Variants in ANAPC10 observed in about 807,000 individuals in gnomAD.
ANAPC10 encodes anaphase promoting complex subunit 10.
In ANAPC10, 12 loss-of-function variants were observed where a neutral mutation model predicts 22.0. That is an observed-to-expected ratio of 0.55 (90% CI 0.35 to 0.88). The LOEUF is 0.88. Among genes scored for constraint, ANAPC10 ranks in the 40% least tolerant of loss-of-function variants. The pLI, the probability that ANAPC10 is intolerant of heterozygous loss-of-function variation, is 0.01. For missense variants in ANAPC10, 188 were observed against 220.9 expected (o/e 0.85, Z 0.94); for synonymous variants, 65 against 69.5 (o/e 0.94, Z 0.32).
intron 2 of ANAPC10, among the ~76,000 whole-genome samples, chr4:145,094,901 A>G (rs925523011): frequency 2.6e-5 from 4 of 152,206 alleles, no homozygotes; most frequent in African/African-American, 7.2e-5. Context: ...AAGGACTGCC[A>G]CCCAAGAATT....
chr4:145,064,944 A>C (rs1473120716), intron 3 of ANAPC10, among the ~76,000 whole-genome samples: 1 of 151,972 alleles, frequency 6.6e-6, no homozygotes, highest in Admixed American at 6.6e-5. Flanking sequence ...AGATGCAAGC[A>C]AAGAAGGATC....
At chr4:145,082,185 C>T (rs768823387) in intron 2 of ANAPC10, among the ~76,000 whole-genome samples, 5 of 152,210 alleles carry the variant, frequency 3.3e-5, no homozygotes, top group East Asian at 1.9e-4. Flanking sequence ...GTTTCACTCT[C>T]GTGGCCCAAG....
At chr4:145,084,089 G>A (rs1746502387) in intron 2 of ANAPC10, among the ~76,000 whole-genome samples, 1 of 151,954 alleles carries the variant, frequency 6.6e-6, no homozygotes, top group African/African-American at 2.4e-5. Flanking sequence ...TCCCACCTCA[G>A]TCATCTAGGT....
chr4:145,086,412 T>G (rs757136845), intron 2 of ANAPC10, among the ~76,000 whole-genome samples: 2 of 152,264 alleles, frequency 1.3e-5, no homozygotes, highest in Non-Finnish European at 2.9e-5. Context: ...GCAGTTATTA[T>G]ATGATGTACT....
At chr4:145,050,380 G>C (rs1288639638) in intron 4 of ANAPC10, among the ~76,000 whole-genome samples, 2 of 152,188 alleles carry the variant, frequency 1.3e-5, no homozygotes, top group African/African-American at 4.8e-5. Context: ...TCCATTTATA[G>C]CACATGGGCA....
intron 4 of ANAPC10, among the ~76,000 whole-genome samples, chr4:145,012,438 A>G (rs1173221934): frequency 1.3e-5 from 2 of 152,018 alleles, no homozygotes; most frequent in African/African-American, 4.8e-5. Context: ...AAAAGAAAAA[A>G]TAAAGAATTT....
chr4:145,041,235 C>T (rs1232486126), intron 4 of ANAPC10, among the ~76,000 whole-genome samples: 1 of 152,116 alleles, frequency 6.6e-6, no homozygotes, highest in Non-Finnish European at 1.5e-5. Flanking sequence ...TGAAATTTTA[C>T]AAAATGAATA....
At chr4:145,088,152 A>T (rs1747164382) in intron 2 of ANAPC10, among the ~76,000 whole-genome samples, 1 of 152,180 alleles carries the variant, frequency 6.6e-6, no homozygotes, top group Non-Finnish European at 1.5e-5. Context: ...TTTTCCTCCT[A>T]GTTCACTAGC....
chr4:145,049,323 G>A (rs1252058982), intron 4 of ANAPC10, among the ~76,000 whole-genome samples: 2 of 152,124 alleles, frequency 1.3e-5, no homozygotes, highest in Admixed American at 6.6e-5. Flanking sequence ...TTCCTTTCAT[G>A]AAAAATATTC....
intron 4 of ANAPC10, among the ~76,000 whole-genome samples, chr4:145,031,543 C>A (rs1301874038): frequency 6.6e-6 from 1 of 152,208 alleles, no homozygotes; most frequent in Non-Finnish European, 1.5e-5. Context: ...GTTACTCCAG[C>A]CCACTTATCG....
At chr4:145,069,949 T>C (rs1744252780) in intron 3 of ANAPC10, among the ~76,000 whole-genome samples, 1 of 152,202 alleles carries the variant, frequency 6.6e-6, no homozygotes. Flanking sequence ...TTCATAAAAT[T>C]GTTATTTATG....
intron 2 of ANAPC10, among the ~76,000 whole-genome samples, chr4:145,084,695 G>A (rs560735816): frequency 1.2e-4 from 18 of 152,152 alleles, no homozygotes; most frequent in African/African-American, 4.1e-4. Context: ...TACTTCTTCC[G>A]TAACTCTTAA....
intron 4 of ANAPC10, among the ~76,000 whole-genome samples, chr4:145,051,323 T>C (rs1461509754): frequency 6.6e-6 from 1 of 152,146 alleles, no homozygotes; most frequent in African/African-American, 2.4e-5. Flanking sequence ...ATGAGCATGG[T>C]TCATGGCGTC....
chr4:145,012,286 A>T (rs962775000), intron 4 of ANAPC10, among the ~76,000 whole-genome samples: 2 of 151,278 alleles, frequency 1.3e-5, no homozygotes, highest in Non-Finnish European at 2.9e-5. Context: ...TATACTTAAC[A>T]TATTGAAAAT....
In ANAPC10 at chr4:145,064,667, A is replaced by G; in HGVS notation, c.232T>C (p.Cys78Arg). The G allele has an allele frequency of 6.4e-7, 1 of 1,568,732 alleles. No homozygotes were observed. The highest frequency in any genetic ancestry group is 8.7e-7 in the Non-Finnish European group (1 of 1,154,816). Residue 78 changes from cysteine (C) to arginine (R), a missense_variant, in exon 4 of 5, where the codon TGT becomes CGT. Cys to Arg is a radical substitution (Grantham distance 180). Transcript: ENST00000507656. ...FRRKTTVKTL[C>R]IYADYKSDES... ...TCAGATTTGTAGTCTGCATAAATAC[A>G]TAATGTCTTCACTGTTGTTTTTCTT...
intron 4 of ANAPC10, among the ~76,000 whole-genome samples, chr4:145,027,605 T>C (rs1043724210): frequency 1.3e-5 from 2 of 152,164 alleles, no homozygotes; most frequent in South Asian, 4.1e-4. Flanking sequence ...AAGGAGATTA[T>C]AAAAGCTACT....
chr4:145,005,560 A>C (rs1401752801), intron 4 of ANAPC10, among the ~76,000 whole-genome samples: 1 of 152,024 alleles, frequency 6.6e-6, no homozygotes, highest in African/African-American at 2.4e-5. Context: ...GTAGGTTGTT[A>C]AATTGAGATC....
chr4:145,083,676 T>C (rs1746431308), intron 2 of ANAPC10, among the ~76,000 whole-genome samples: 1 of 152,164 alleles, frequency 6.6e-6, no homozygotes, highest in African/African-American at 2.4e-5. Context: ...TGAAGGGATA[T>C]TTTGAACATA....
rs1184317673 is a variant in ANAPC10 at position 145,064,568 on chromosome 4, A to G, written c.327+4T>C. ...ACATATTTTTAAAAATTTGAAAGAC[A>G]TACCCGAATTTCTTGAAGGTTGTGA... On this transcript the variant is annotated splice_donor_region_variant and intron_variant, in intron 4 of 4. Coordinates refer to ENST00000507656, the MANE Select transcript of ANAPC10 (RefSeq NM_001256706.2). 6 of 1,600,836 alleles carry G rather than the reference A, an allele frequency of 3.7e-6. No individual in the cohort carries two copies. Among genetic ancestry groups the G allele is most frequent in the Non-Finnish European group, 5.1e-6 (6 of 1,174,486 alleles).
Sources: gnomAD v4.1 joint callset for allele counts (sites outside exome capture counted in the v4.1 genomes callset) on GRCh38, gnomAD v4.1.1 for gene constraint, MANE v1.5 for transcripts, NCBI Gene and HGNC (gene_info 2026-07-23, HGNC 2026-07-21) for gene names.